RANBP2: variants seen among roughly 807,000 people sequenced by gnomAD.
RANBP2 encodes RAN binding protein 2.
A neutral mutation model predicts 303.6 loss-of-function variants in RANBP2; 57 were observed. The ratio of observed to expected loss-of-function variants is 0.19; its 90% CI spans 0.15 to 0.23. The LOEUF is 0.23. Among genes scored for constraint, RANBP2 ranks in the 10% least tolerant of loss-of-function variants. The pLI, the probability that RANBP2 is intolerant of heterozygous loss-of-function variation, is 1.00. For synonymous variants in RANBP2, 1,167 were observed against 1,301.5 expected, an observed-to-expected ratio of 0.90 and a Z score of 2.23; for missense variants, 3,138 against 3,780.8, an observed-to-expected ratio of 0.83 and a Z score of 4.46.
At chr2:108,983,826 T>A in the RANBP2 span, among the ~76,000 whole-genome samples, 1 of 152,180 alleles carries the variant, frequency 6.6e-6, no homozygotes, top group African/African-American at 2.4e-5. Flanking sequence ...TCTGAACCCG[T>A]TCTCCAACAA....
chr2:109,300,408 C>T, the RANBP2 span, among the ~76,000 whole-genome samples: 3 of 152,034 alleles, frequency 2.0e-5, no homozygotes, highest in Non-Finnish European at 2.9e-5. Flanking sequence ...TCCAACTCCT[C>T]ACCTCAAGTG....
At chr2:108,860,343 A>G in the RANBP2 span, among the ~76,000 whole-genome samples, 4 of 152,056 alleles carry the variant, frequency 2.6e-5, no homozygotes, top group Admixed American at 6.5e-5. Flanking sequence ...CTCTTGGCCA[A>G]TTGCTCTTGC....
chr2:109,446,662 C>G, the RANBP2 span, among the ~76,000 whole-genome samples: 1 of 152,142 alleles, frequency 6.6e-6, no homozygotes, highest in South Asian at 2.1e-4. Context: ...CACTGTGCCT[C>G]TGAGGTGACC....
At chr2:108,720,367 A>T (rs1021873146) in intron 1 of RANBP2, among the ~76,000 whole-genome samples, 1 of 151,626 alleles carries the variant, frequency 6.6e-6, no homozygotes, top group African/African-American at 2.4e-5. Context: ...TAAAAAAAAA[A>T]AATTCTAAAG....
chr2:109,055,509 T>G, the RANBP2 span, among the ~76,000 whole-genome samples: 8 of 151,860 alleles, frequency 5.3e-5, no homozygotes, highest in Non-Finnish European at 1.0e-4. Flanking sequence ...TACAGGTGCA[T>G]GCCACCGTGT....
the RANBP2 span, among the ~76,000 whole-genome samples, chr2:108,858,640 C>T: frequency 2.0e-5 from 3 of 151,530 alleles, no homozygotes; most frequent in Non-Finnish European, 2.9e-5. Context: ...TTTCATTTTT[C>T]TAGGTTTGAG....
At chr2:109,384,588 G>T in the RANBP2 span, among the ~76,000 whole-genome samples, 1 of 152,080 alleles carries the variant, frequency 6.6e-6, no homozygotes, top group African/African-American at 2.4e-5. Flanking sequence ...TCTGCATTTG[G>T]GTCTGGGGTC....
At chr2:109,014,179 T>A in the RANBP2 span, among the ~76,000 whole-genome samples, 1 of 152,198 alleles carries the variant, frequency 6.6e-6, no homozygotes, top group African/African-American at 2.4e-5. Context: ...GTCTCCCCCA[T>A]GTGAAGAGAC....
the RANBP2 span, among the ~76,000 whole-genome samples, chr2:109,664,553 C>T: frequency 6.6e-6 from 1 of 151,954 alleles, no homozygotes; most frequent in Non-Finnish European, 1.5e-5. Context: ...GCAGGGAACA[C>T]AGACCACACC....
the RANBP2 span, among the ~76,000 whole-genome samples, chr2:108,904,333 GA>G: frequency 2.6e-5 from 4 of 152,200 alleles, no homozygotes; most frequent in Non-Finnish European, 5.9e-5. Context: ...AGCATATGGA[GA>G]AACTAGACCG....
the RANBP2 span, among the ~76,000 whole-genome samples, chr2:108,834,798 T>C: frequency 6.6e-6 from 1 of 152,230 alleles, no homozygotes; most frequent in East Asian, 1.9e-4. Flanking sequence ...TCGTCTACTT[T>C]CTATCTCTAT....
chr2:109,276,455 G>A, the RANBP2 span, among the ~76,000 whole-genome samples: 2 of 152,304 alleles, frequency 1.3e-5, no homozygotes, highest in East Asian at 1.9e-4. Flanking sequence ...GGGACCCAGG[G>A]AGGGCAAGAA....
chr2:109,050,460 G>T, the RANBP2 span, among the ~76,000 whole-genome samples: 6 of 152,128 alleles, frequency 3.9e-5, no homozygotes, highest in Non-Finnish European at 1.5e-5. Context: ...TCATGAGGTT[G>T]CCCAGGCTGG....
the RANBP2 span, chr2:109,567,773 T>C: frequency 6.6e-7 from 1 of 1,522,496 alleles, no homozygotes; most frequent in South Asian, 1.3e-5. Flanking sequence ...ACAGTTTTAT[T>C]TTCACATGGA....
the RANBP2 span, among the ~76,000 whole-genome samples, chr2:109,188,264 C>G: frequency 6.6e-6 from 1 of 152,224 alleles, no homozygotes; most frequent in African/African-American, 2.4e-5. Context: ...GCCACCCCAG[C>G]AGACAACTGT....
chr2:109,544,206 A>G, the RANBP2 span: 1 of 1,607,764 alleles, frequency 6.2e-7, no homozygotes, highest in Non-Finnish European at 8.5e-7. Flanking sequence ...CACCAAATAT[A>G]GAAGTGATAA....
the RANBP2 span, among the ~76,000 whole-genome samples, chr2:108,990,250 T>G: frequency 6.6e-6 from 1 of 151,380 alleles, no homozygotes; most frequent in African/African-American, 2.4e-5. Flanking sequence ...GCTAACAAGG[T>G]GAAACCCCGT....
the RANBP2 span, among the ~76,000 whole-genome samples, chr2:108,932,689 C>G: frequency 6.6e-6 from 1 of 152,078 alleles, no homozygotes; most frequent in Non-Finnish European, 1.5e-5. Context: ...TCCAAATCCC[C>G]CAGGACTTAA....
At chr2:109,208,460 A>T in the RANBP2 span, among the ~76,000 whole-genome samples, 1 of 152,170 alleles carries the variant, frequency 6.6e-6, no homozygotes, top group South Asian at 2.1e-4. Flanking sequence ...GAAGCCCAAG[A>T]AGCCCTGTGG....
Sources: allele counts gnomAD v4.1 joint callset (sites outside exome capture counted in the v4.1 genomes callset), GRCh38; gene constraint gnomAD v4.1.1; transcripts MANE v1.5; gene names NCBI Gene and HGNC (gene_info 2026-07-23, HGNC 2026-07-21).